The following ST7 variants were observed in gnomAD, a reference collection of about 807,000 sequenced individuals.
The protein encoded by ST7 is suppression of tumorigenicity 7.
A neutral mutation model predicts 78.7 loss-of-function variants in ST7; 28 were observed. The observed-to-expected ratio is 0.36, with a 90% CI of 0.26 to 0.49. The LOEUF is 0.49. Among genes scored for constraint, ST7 ranks in the 20% least tolerant of loss-of-function variants. ST7 has a pLI of 0.99. For synonymous variants in ST7, 247 were observed against 249.6 expected (o/e 0.99, Z 0.10); for missense variants, 418 against 696.0 (o/e 0.60, Z 4.49).
At chr7:117,128,060 G>A (rs1804005891) in intron 3 of ST7, among the ~76,000 whole-genome samples, 1 of 151,862 alleles carries the variant, frequency 6.6e-6, no homozygotes, top group East Asian at 1.9e-4. Flanking sequence ...TTCTGTGGAG[G>A]AGAAGCATCT....
chr7:117,105,712 A>G (rs1050455459), intron 2 of ST7, among the ~76,000 whole-genome samples: 1 of 152,260 alleles, frequency 6.6e-6, no homozygotes, highest in Non-Finnish European at 1.5e-5. Context: ...GAATAATTTG[A>G]ATGTTCCTGG....
intron 1 of ST7, among the ~76,000 whole-genome samples, chr7:117,001,591 C>A (rs956123599): frequency 3.3e-5 from 5 of 152,168 alleles, no homozygotes; most frequent in Admixed American, 3.3e-4. Flanking sequence ...AGCTTACAAA[C>A]CTTTGAGGTT....
At chr7:117,043,942 T>A (rs553621708) in intron 1 of ST7, among the ~76,000 whole-genome samples, 1 of 152,326 alleles carries the variant, frequency 6.6e-6, no homozygotes, top group South Asian at 2.1e-4. Flanking sequence ...TAATTACATT[T>A]GCATTTTTTA....
At chr7:117,106,235 A>T (rs62470809) in intron 2 of ST7, among the ~76,000 whole-genome samples, 1 of 151,518 alleles carries the variant, frequency 6.6e-6, no homozygotes, top group African/African-American at 2.4e-5. Context: ...CCTGACCTCA[A>T]GATCCACCCG....
intron 1 of ST7, among the ~76,000 whole-genome samples, chr7:116,984,264 A>G (rs1794095304): frequency 6.6e-6 from 1 of 152,184 alleles, no homozygotes; most frequent in Non-Finnish European, 1.5e-5. Context: ...GAGACTTCTC[A>G]GCCTCCATAA....
chr7:116,960,121 A>G (rs570207147), intron 1 of ST7, among the ~76,000 whole-genome samples: 2 of 151,916 alleles, frequency 1.3e-5, no homozygotes, highest in East Asian at 1.9e-4. Flanking sequence ...TTACCCCTCA[A>G]ATCTGAACTT....
intron 1 of ST7, among the ~76,000 whole-genome samples, chr7:117,073,394 A>G (rs887767147): frequency 2.7e-5 from 4 of 150,586 alleles, no homozygotes; most frequent in Non-Finnish European, 4.4e-5. Context: ...CAGATGAATG[A>G]CACAAACACC....
intron 1 of ST7, chr7:116,954,975 A>C (rs1474927749): frequency 1.2e-5 from 4 of 345,592 alleles, no homozygotes; most frequent in Non-Finnish European, 1.8e-5. Context: ...GTTTTGTAGT[A>C]TCCCTCGGGA....
chr7:117,073,563 A>T (rs1423910475), intron 1 of ST7, among the ~76,000 whole-genome samples: 1 of 152,186 alleles, frequency 6.6e-6, no homozygotes, highest in Non-Finnish European at 1.5e-5. Flanking sequence ...GGGCAGTGTG[A>T]GTGGTTAGGG....
chr7:117,013,602 C>T (rs143211033), intron 1 of ST7, among the ~76,000 whole-genome samples: 164 of 152,198 alleles, frequency 1.1e-3, no homozygotes, highest in African/African-American at 3.8e-3. Flanking sequence ...CTGAGGCGGG[C>T]GGATAACCTA....
chr7:116,990,688 A>G (rs899640785), intron 1 of ST7, among the ~76,000 whole-genome samples: 1 of 152,070 alleles, frequency 6.6e-6, no homozygotes, highest in Non-Finnish European at 1.5e-5. Context: ...TCAGCTTTCC[A>G]TGACCCTTTA....
chr7:117,034,964 T>C (rs1796800497), intron 1 of ST7, among the ~76,000 whole-genome samples: 2 of 152,080 alleles, frequency 1.3e-5, no homozygotes, highest in Admixed American at 6.5e-5. Flanking sequence ...TGTGTAAGGG[T>C]GATCCGGAAA....
At chr7:117,170,831 A>C in intron 9 of ST7, 31 bp from the exon 10 acceptor site, 1 of 1,147,658 alleles carries the variant, frequency 8.7e-7, no homozygotes, top group Non-Finnish European at 1.3e-6. Context: ...TACATAATAT[A>C]CTAATTATTC....
intron 1 of ST7, among the ~76,000 whole-genome samples, chr7:117,032,334 A>G (rs544975113): frequency 6.6e-6 from 1 of 152,020 alleles, no homozygotes; most frequent in Admixed American, 6.6e-5. Context: ...TTATATTTAT[A>G]TATATTTTAC....
intron 1 of ST7, among the ~76,000 whole-genome samples, chr7:117,055,169 A>AATTT (rs1360288178): frequency 3.3e-5 from 5 of 151,938 alleles, no homozygotes; most frequent in African/African-American, 9.7e-5. Context: ...GTTATCTCCC[A>AATTT]ATTTATTTAT....
intron 1 of ST7, among the ~76,000 whole-genome samples, chr7:117,096,496 C>CTT (rs1303802051): frequency 1.3e-5 from 2 of 152,094 alleles, no homozygotes; most frequent in African/African-American, 4.8e-5. Flanking sequence ...CTGTAGTTTC[C>CTT]TTTTGTGCTT....
rs143872960 is a variant in ST7, at chr7:117,033,296, G to A, written c.152-66466G>A. Among the ~76,000 whole-genome samples the A allele has an allele frequency of 4.2e-3, 646 of 152,234 alleles. 5 individuals carry two copies. Among genetic ancestry groups the A allele is most frequent in the African/African-American group, 0.014 (577 of 41,526 alleles). ...ATAATGAGAAAAAATTGTTTTAAATGGAAAAACTTATTAAGTTTGGTTCCT... is the reference window on the plus strand; with the variant it reads ...ATAATGAGAAAAAATTGTTTTAAATAGAAAAACTTATTAAGTTTGGTTCCT... On this transcript the variant is annotated intron_variant, in intron 1 of 15. Coordinates refer to ENST00000323984, the MANE Select transcript of ST7 (RefSeq NM_001369598.1).
chr7:117,051,533 A>T (rs1007647729), intron 1 of ST7, among the ~76,000 whole-genome samples: 1 of 152,198 alleles, frequency 6.6e-6, no homozygotes, highest in Non-Finnish European at 1.5e-5. Flanking sequence ...TCTGGGGTTT[A>T]TTCTGAATGC....
intron 10 of ST7, 129 bp from the exon 11 acceptor site, chr7:117,189,192 G>T (rs1198641101): frequency 3.7e-6 from 2 of 536,690 alleles, no homozygotes. Context: ...CTTGTGTAAT[G>T]TCTGTATTAA....
Sources: gnomAD v4.1 joint callset for allele counts (sites outside exome capture counted in the v4.1 genomes callset) on GRCh38, gnomAD v4.1.1 for gene constraint, MANE v1.5 for transcripts, NCBI Gene and HGNC (gene_info 2026-07-23, HGNC 2026-07-21) for gene names.